Variants in MARS1 observed in about 807,000 individuals in gnomAD.
The protein encoded by MARS1 is methionine--tRNA ligase, cytoplasmic.
In MARS1, 80 loss-of-function variants were observed where a neutral mutation model predicts 119.5. The observed-to-expected ratio is 0.67, with a 90% CI of 0.56 to 0.81. MARS1 has a LOEUF of 0.81. Among genes scored for constraint, MARS1 ranks in the 30% least tolerant of loss-of-function variants. MARS1 has a pLI of 0.00. For synonymous variants in MARS1, 418 were observed against 433.4 expected (o/e 0.96, Z 0.44); for missense variants, 945 against 1,116.5 (o/e 0.85, Z 2.19).
At position 57,498,502 on chromosome 12, in the gene MARS1, G is replaced by C; in HGVS notation, c.970G>C (p.Glu324Gln). ...TACAGCAACAGAGACCAAGGCTCTGGAGGAGGGACTAACCCCCCAGGAGAT... is the reference window on the plus strand; with the variant it reads ...TACAGCAACAGAGACCAAGGCTCTGCAGGAGGGACTAACCCCCCAGGAGAT... Reference protein sequence around the residue: ...YGTATETKALEEGLTPQEICD... With the variant: ...YGTATETKALQEGLTPQEICD... The change falls in exon 9 of 21, where the codon GAG becomes CAG. Residue 324 changes from glutamate to glutamine, a missense_variant. Coordinates refer to ENST00000262027, the MANE Select transcript of MARS1 (RefSeq NM_004990.4). 1 of 1,614,202 alleles carries C rather than the reference G, an allele frequency of 6.2e-7. No homozygotes were observed. Among genetic ancestry groups the C allele is most frequent in the South Asian group, 1.1e-5 (1 of 91,084 alleles).
rs575970464 is a variant in MARS1, at chr12:57,492,829, C to T, written c.770+2185C>T. Among the ~76,000 whole-genome samples, 31 of 152,122 alleles carry T rather than the reference C, an allele frequency of 2.0e-4. No individual in the cohort carries two copies. In the East Asian group the frequency reaches 4.3e-3, roughly 21 times the overall value. On this transcript the variant is annotated intron_variant, in intron 7 of 20. Transcript: ENST00000262027. The stretch of plus-strand genomic sequence containing the variant: ...ATCTAATATGCAAAGACCTGAGAAG[C>T]AAGAGAGTTTGCCTCTTAAGGAATT...
intron 15 of MARS1, among the ~76,000 whole-genome samples, chr12:57,513,821 T>G (rs1877639895): frequency 6.6e-6 from 1 of 151,878 alleles, no homozygotes; most frequent in Admixed American, 6.6e-5. Context: ...GCTTTGGTAA[T>G]TAACCACATT....
At chr12:57,505,512 G>GA (rs112710318) in intron 11 of MARS1, among the ~76,000 whole-genome samples, 37 of 146,140 alleles carry the variant, frequency 2.5e-4, no homozygotes, top group African/African-American at 4.7e-4. Flanking sequence ...TGGGCTTGGA[G>GA]AAAAAAAAAA....
In MARS1 at chr12:57,489,097, G is replaced by A. The variant is rs932854507; in HGVS notation, c.188G>A (p.Ser63Asn). The change falls in exon 2 of 21, where the codon AGT becomes AAT. Residue 63 changes from serine to asparagine, a missense_variant. Ser to Asn is a conservative substitution (Grantham distance 46, BLOSUM62 1). Transcript: ENST00000262027. ...LDSGNYLFST[S>N]AICRYFFLLS... is the part of the protein sequence containing the mutation. ...AGCGGCAACTACCTCTTCTCCACTA[G>A]TGCAATCTGCCGGTCAGTATTGGTC... 9 of 1,613,666 alleles carry A rather than the reference G, an allele frequency of 5.6e-6. No homozygotes were observed. Among genetic ancestry groups the A allele is most frequent in the African/African-American group, 2.7e-5 (2 of 74,784 alleles).
chr12:57,499,367 G>T (rs1202191098), intron 9 of MARS1, among the ~76,000 whole-genome samples: 1 of 150,540 alleles, frequency 6.6e-6, no homozygotes, highest in East Asian at 2.0e-4. Context: ...AGGCCGAGGC[G>T]GGCGGATCAC....
intron 11 of MARS1, among the ~76,000 whole-genome samples, chr12:57,506,008 T>C (rs1219243173): frequency 1.3e-5 from 2 of 151,806 alleles, no homozygotes; most frequent in East Asian, 1.9e-4. Flanking sequence ...AATCCTAACA[T>C]TTTGCAAGGG....
intron 11 of MARS1, among the ~76,000 whole-genome samples, chr12:57,505,904 AG>A: frequency 6.6e-6 from 1 of 151,538 alleles, no homozygotes; most frequent in East Asian, 1.9e-4. Flanking sequence ...GCTTGAGCCT[AG>A]GGGTTTGAGA....
chr12:57,490,334 C>A lies in MARS1; in HGVS notation c.618C>A (p.Pro206=). The A allele has an allele frequency of 1.2e-6, 2 of 1,612,702 alleles. No homozygotes were observed. Among genetic ancestry groups the A allele is most frequent in the East Asian group, 4.5e-5 (2 of 44,894 alleles). The change falls in exon 6 of 21, where the codon CCC becomes CCA. Residue 206 remains proline, a synonymous_variant. Coordinates refer to ENST00000262027, the MANE Select transcript of MARS1 (RefSeq NM_004990.4). ...TCCGGCCTTACCTCCAAAAGCAGCC[C>A]CAGCCCAGCCCCGCTGAGGGAAGGG... ...LALRPYLQKQ[P]QPSPAEGRAV...
Position 57,504,416 on chromosome 12 carries a change from G to A in MARS1, c.1368+117G>A, listed in dbSNP as rs1189407192. On this transcript the variant is annotated intron_variant, in intron 11 of 20. Coordinates refer to ENST00000262027, the MANE Select transcript of MARS1 (RefSeq NM_004990.4). ...AAGTTTTAAATTTCCATTAAGAATT[G>A]TACATACTATTGTCAAGAGATGAAA... 9 of 801,712 alleles carry A rather than the reference G, an allele frequency of 1.1e-5. No homozygotes were observed. The African/African-American group carries it at 1.5e-4, about 14-fold the overall frequency. The allele number at this position is 801,712 out of a possible 1,614,324, so 49.7% of individuals were successfully genotyped here. A position where few individuals can be genotyped will look rare whatever the true frequency, so the allele number is the denominator to read the frequency against.
rs774933326 is a variant in MARS1 at position 57,498,127 on chromosome 12, T to G, written c.771-30T>G. 2.8e-6 allele frequency: 4 copies of G among 1,444,554 alleles called. No individual in the cohort carries two copies. In the South Asian group the frequency reaches 4.6e-5, roughly 16 times the overall value. The allele number at this position is 1,444,554 out of a possible 1,614,324, so 89.5% of individuals were successfully genotyped here. On this transcript the variant is annotated intron_variant, in intron 7 of 20. Coordinates refer to ENST00000262027, the MANE Select transcript of MARS1 (RefSeq NM_004990.4). ...CCCTGTTGACCCTCACATCCCCCCATGCACTGTTCTCTTCCTCTTTCCTTA... is the reference window on the plus strand; with the variant it reads ...CCCTGTTGACCCTCACATCCCCCCAGGCACTGTTCTCTTCCTCTTTCCTTA...
chr12:57,489,718 G>A, intron 4 of MARS1, 160 bp downstream of exon 4: 1 of 1,146,928 alleles, frequency 8.7e-7, no homozygotes, highest in Non-Finnish European at 1.3e-6. Flanking sequence ...TTTCAGTTGT[G>A]AAATGGGATA....
At chr12:57,492,459 C>T (rs1876023436) in intron 7 of MARS1, among the ~76,000 whole-genome samples, 1 of 151,944 alleles carries the variant, frequency 6.6e-6, no homozygotes, top group Admixed American at 6.6e-5. Context: ...CACCTGAGAT[C>T]AGCAGTTCGA....
rs373643745 is a variant in MARS1 at position 57,516,591 on chromosome 12, G to A, written c.*10G>A. On this transcript the variant is annotated 3_prime_UTR_variant, in exon 21 of 21. Transcript: ENST00000262027. ...CAAGAAGAAAAAGTAAAAGACCTTGGCTCATAGAAAGTCACTTTAATAGAT... is the reference window on the plus strand; with the variant it reads ...CAAGAAGAAAAAGTAAAAGACCTTGACTCATAGAAAGTCACTTTAATAGAT... 2.0e-5 allele frequency: 31 copies of A among 1,562,912 alleles called. No homozygotes were observed. In the African/African-American group the frequency reaches 4.0e-4, roughly 20 times the overall value.
intron 10 of MARS1, among the ~76,000 whole-genome samples, chr12:57,501,523 T>C (rs894342942): frequency 1.2e-4 from 18 of 151,952 alleles, no homozygotes; most frequent in Admixed American, 7.9e-4. Context: ...CTGTCTCTAC[T>C]GAAAATACAG....
intron 7 of MARS1, among the ~76,000 whole-genome samples, chr12:57,492,121 A>G (rs1254453332): frequency 6.6e-6 from 1 of 150,434 alleles, no homozygotes; most frequent in African/African-American, 2.5e-5. Flanking sequence ...TCTACTAAAA[A>G]TACAAAAATT....
intron 15 of MARS1, among the ~76,000 whole-genome samples, chr12:57,514,518 T>A (rs941027033): frequency 6.6e-6 from 1 of 152,218 alleles, no homozygotes; most frequent in Non-Finnish European, 1.5e-5. Context: ...AGGTTTCTTA[T>A]GTGCAGAGTC....
chr12:57,493,462 A>T (rs1313682921), intron 7 of MARS1, among the ~76,000 whole-genome samples: 1 of 312 alleles, frequency 3.2e-3, no homozygotes, highest in South Asian at 0.17. Flanking sequence ...ATATATTATA[A>T]TATATAATAT....
intron 11 of MARS1, among the ~76,000 whole-genome samples, chr12:57,510,846 G>A (rs569358450): frequency 1.4e-4 from 21 of 152,128 alleles, no homozygotes; most frequent in Admixed American, 1.2e-3. Context: ...AGGCTGAGGC[G>A]GGAGAATTGC....
chr12:57,516,648 A>G lies in MARS1; in HGVS notation c.*67A>G, dbSNP rs946870956. ...AGTAATAAATAAATGTACAATCTCT[A>G]TATACAAGCTGAGACCTTTCCTTTT... On this transcript the variant is annotated 3_prime_UTR_variant, in exon 21 of 21. Coordinates refer to ENST00000262027, the MANE Select transcript of MARS1 (RefSeq NM_004990.4). 441 of 1,526,872 alleles carry G rather than the reference A, an allele frequency of 2.9e-4. 1 individual carries two copies. The highest frequency in any genetic ancestry group is 3.7e-4 in the Non-Finnish European group (425 of 1,140,750). 94.6% of individuals were successfully genotyped at this position (1,526,872 alleles called of 1,614,324 possible).
Sources: allele counts gnomAD v4.1 joint callset (sites outside exome capture counted in the v4.1 genomes callset), GRCh38; gene constraint gnomAD v4.1.1; transcripts MANE v1.5; gene names NCBI Gene and HGNC (gene_info 2026-07-23, HGNC 2026-07-21).